CUBN: variants seen among roughly 807,000 people sequenced by gnomAD.
CUBN encodes cubilin.
Under a neutral mutation model 405.3 loss-of-function variants are expected in CUBN, and 282 were observed. That is an observed-to-expected ratio of 0.70 (90% CI 0.63 to 0.77). The LOEUF (loss-of-function observed/expected upper bound fraction) is 0.77. Ranked by LOEUF, CUBN falls within the 30% of genes least tolerant of loss-of-function variation. CUBN has a pLI of 0.00. For synonymous variants in CUBN, 1,684 were observed against 1,617.0 expected (o/e 1.04, Z -0.99); for missense variants, 4,514 against 4,475.2 (o/e 1.01, Z -0.25).
intron 29 of CUBN, 82 bp from the exon 30 acceptor site, chr10:16,984,361 G>C (rs953878438): frequency 7.7e-7 from 1 of 1,300,562 alleles, no homozygotes; most frequent in Non-Finnish European, 1.1e-6. Flanking sequence ...TTTGACCCCC[G>C]GCTCCTTGGG....
chr10:16,961,769 T>G (rs1843226946), intron 31 of CUBN, among the ~76,000 whole-genome samples: 1 of 128,140 alleles, frequency 7.8e-6, no homozygotes, highest in Non-Finnish European at 1.6e-5. Flanking sequence ...TGGAGTGCAG[T>G]GGCGGGATCT....
intron 27 of CUBN, among the ~76,000 whole-genome samples, chr10:17,037,004 A>C (rs1346469385): frequency 6.6e-6 from 1 of 152,136 alleles, no homozygotes; most frequent in East Asian, 1.9e-4. Context: ...TGAACAACCT[A>C]TATCTGCCTC....
intron 31 of CUBN, among the ~76,000 whole-genome samples, chr10:16,981,178 GACACACACACAC>G (rs1401865880): frequency 6.9e-6 from 1 of 145,244 alleles, no homozygotes; most frequent in Non-Finnish European, 1.5e-5. Flanking sequence ...AGACTCAGCA[GACACACACACAC>G]ACACACACAC....
intron 56 of CUBN, 122 bp from the exon 57 acceptor site, chr10:16,877,219 A>T (rs1163066223): frequency 6.8e-6 from 6 of 878,842 alleles, no homozygotes; most frequent in Non-Finnish European, 1.1e-5. Flanking sequence ...AAAATGAGAA[A>T]CGAGATATTT....
In CUBN at chr10:16,925,359, A is replaced by ACAAAAATG; in HGVS notation, c.6520_6527dup (p.Gly2177IlefsTer42). ...ACAGAGTTGATGAAGCATGACTGCC[A>ACAAAAATG]CAAAAATGACCATTTCCTCCAGGGG... On this transcript the variant is annotated frameshift_variant, in exon 43 of 67. Transcript: ENST00000377833. LOFTEE classifies it high-confidence loss of function. 1 of 1,613,992 alleles carries ACAAAAATG rather than the reference A, an allele frequency of 6.2e-7. No homozygotes were observed. The highest frequency in any genetic ancestry group is 8.5e-7 in the Non-Finnish European group (1 of 1,179,880).
intron 27 of CUBN, among the ~76,000 whole-genome samples, chr10:17,040,171 A>G (rs1239743676): frequency 5.9e-5 from 9 of 152,184 alleles, no homozygotes; most frequent in African/African-American, 2.2e-4. Context: ...CAACTACCTT[A>G]AGTCACTAGG....
At position 16,947,253 on chromosome 10, in the gene CUBN, C is replaced by A; in HGVS notation, c.5324G>T (p.Arg1775Leu). Residue 1775 changes from arginine (R) to leucine (L), a missense_variant, in exon 36 of 67, where the codon CGG becomes CTG. Arg to Leu is a moderately radical substitution (Grantham distance 102). Coordinates refer to ENST00000377833, the MANE Select transcript of CUBN (RefSeq NM_001081.4). ...VWNIVSSPGNRLQLSFISFQL... is the reference protein window; with the variant it reads ...VWNIVSSPGNLLQLSFISFQL... ...GATTTACATAAAAGACAGCTGGAGC[C>A]GGTTGCCAGGGGAACTGACGATGTT... 1 of 1,614,072 alleles carries A rather than the reference C, an allele frequency of 6.2e-7. No individual in the cohort carries two copies. The highest frequency in any genetic ancestry group is 8.5e-7 in the Non-Finnish European group (1 of 1,179,988).
rs12258166 is a variant in CUBN, at chr10:17,123,552, C to T, written c.489+36G>A. The T allele has an allele frequency of 2.3e-3, 3,261 of 1,445,814 alleles. 58 individuals carry two copies. In the African/African-American group the frequency reaches 0.041, roughly 18 times the overall value. 89.6% of individuals were successfully genotyped at this position (1,445,814 alleles called of 1,614,324 possible). A position where few individuals can be genotyped will look rare whatever the true frequency, so the allele number is the denominator to read the frequency against. On this transcript the variant is annotated intron_variant, in intron 5 of 66. Coordinates refer to ENST00000377833, the MANE Select transcript of CUBN (RefSeq NM_001081.4). ...TTCCAAGGAAACCACAGATGCTGACCTGCCATCATTCTTAACCAAAGAGTA... is the reference window on the plus strand; with the variant it reads ...TTCCAAGGAAACCACAGATGCTGACTTGCCATCATTCTTAACCAAAGAGTA...
At position 16,952,723 on chromosome 10, in the gene CUBN, T is replaced by C. The variant is rs1842952562; in HGVS notation, c.4856-334A>G. 3.9e-5 allele frequency among the ~76,000 whole-genome samples: 6 copies of C among 152,254 alleles called. No homozygotes were observed. In the South Asian group the frequency reaches 1.2e-3, roughly 32 times the overall value. ...ATAAATCATAGGCATAGGGATAATC[T>C]GCTTATAAATGACCTCTTTTTTTCA... On this transcript the variant is annotated intron_variant, in intron 32 of 66. Transcript: ENST00000377833.
chr10:17,090,303 C>T (rs1050705813), intron 14 of CUBN, among the ~76,000 whole-genome samples: 2 of 151,384 alleles, frequency 1.3e-5, no homozygotes, highest in Non-Finnish European at 2.9e-5. Context: ...GAGGAAAATA[C>T]AATTATATGA....
In CUBN at chr10:16,928,196, T is replaced by C. The variant is rs781106318; in HGVS notation, c.6232A>G (p.Ser2078Gly). Reference sequence around the variant, plus strand: ...GCATTGAAGCCTGCCCTGGTTACACTGGAGTCCGAGGTGAAGCGGATGAAC... The same window carrying C: ...GCATTGAAGCCTGCCCTGGTTACACCGGAGTCCGAGGTGAAGCGGATGAAC... The part of the protein sequence containing the change: ...YMFIRFTSDS[S>G]VTRAGFNASF... Residue 2078 changes from serine to glycine, a missense_variant, in exon 41 of 67, where the codon AGT becomes GGT. By Grantham distance (56) the Ser-to-Gly change is moderately conservative. Transcript: ENST00000377833. 3.1e-6 allele frequency: 5 copies of C among 1,614,002 alleles called. No homozygotes were observed. Among genetic ancestry groups the C allele is most frequent in the Non-Finnish European group, 4.2e-6 (5 of 1,179,896 alleles).
intron 22 of CUBN, among the ~76,000 whole-genome samples, chr10:17,056,406 C>T (rs921199779): frequency 6.6e-6 from 1 of 151,970 alleles, no homozygotes; most frequent in Non-Finnish European, 1.5e-5. Context: ...GTCAGGATAT[C>T]GAGACCATCT....
chr10:16,927,220 C>G (rs181108348), intron 41 of CUBN, among the ~76,000 whole-genome samples: 1 of 151,842 alleles, frequency 6.6e-6, no homozygotes, highest in Non-Finnish European at 1.5e-5. Flanking sequence ...GTAATATATA[C>G]ATGAGAGTGA....
intron 27 of CUBN, chr10:17,023,467 T>A: frequency 3.1e-6 from 1 of 324,540 alleles, no homozygotes; most frequent in Non-Finnish European, 6.7e-6. Context: ...ATGGGTAACG[T>A]CACCTCTACA....
intron 17 of CUBN, among the ~76,000 whole-genome samples, chr10:17,074,484 T>C (rs954672641): frequency 3.3e-5 from 5 of 152,208 alleles, no homozygotes; most frequent in African/African-American, 9.6e-5. Flanking sequence ...AGTTCTGTTA[T>C]TGGGTATAAA....
At chr10:16,960,110 T>A (rs981938416) in intron 31 of CUBN, among the ~76,000 whole-genome samples, 3 of 152,198 alleles carry the variant, frequency 2.0e-5, no homozygotes, top group Non-Finnish European at 4.4e-5. Flanking sequence ...AATGGAGTGG[T>A]CATTTAATTT....
chr10:17,041,509 G>C (rs756972783), intron 26 of CUBN, among the ~76,000 whole-genome samples: 4 of 152,020 alleles, frequency 2.6e-5, no homozygotes, highest in Non-Finnish European at 5.9e-5. Flanking sequence ...TGTTAAAATA[G>C]GCATCAAATT....
At position 16,877,104 on chromosome 10, in the gene CUBN, A is replaced by G; in HGVS notation, c.8906-7T>C. The G allele has an allele frequency of 6.2e-7, 1 of 1,611,846 alleles. No homozygotes were observed. The highest frequency in any genetic ancestry group is 8.5e-7 in the Non-Finnish European group (1 of 1,178,858). On this transcript the variant is annotated splice_region_variant and splice_polypyrimidine_tract_variant and intron_variant, in intron 56 of 66. Coordinates refer to ENST00000377833, the MANE Select transcript of CUBN (RefSeq NM_001081.4). ...CCCGTCACAGCGGAACGAGCTGGAA[A>G]AGGCATGGAACAACCGCATTATGAT...
chr10:17,080,856 C>A (rs2131859258), intron 17 of CUBN, among the ~76,000 whole-genome samples: 1 of 152,302 alleles, frequency 6.6e-6, no homozygotes, highest in Admixed American at 6.5e-5. Context: ...CCATCACCTT[C>A]ATTGAACTAT....
Sources: gnomAD v4.1 joint callset for allele counts (sites outside exome capture counted in the v4.1 genomes callset) on GRCh38, gnomAD v4.1.1 for gene constraint, MANE v1.5 for transcripts, NCBI Gene and HGNC (gene_info 2026-07-23, HGNC 2026-07-21) for gene names.